The following IQSEC1 variants were observed in gnomAD, a reference collection of about 807,000 sequenced individuals.
The protein encoded by IQSEC1 is IQ motif and SEC7 domain-containing protein 1.
IQSEC1 carries 31 observed loss-of-function variants against 91.0 expected under a neutral mutation model. That is an observed-to-expected ratio of 0.34 (90% confidence interval 0.26 to 0.46). The LOEUF is 0.46. Ranked by LOEUF, IQSEC1 falls within the 20% of genes least tolerant of loss-of-function variation. The pLI is 1.00. For synonymous variants in IQSEC1, 699 were observed against 662.6 expected (o/e 1.05, Z -0.84); for missense variants, 1,388 against 1,575.6 (o/e 0.88, Z 2.02).
intron 12 of IQSEC1, among the ~76,000 whole-genome samples, chr3:12,907,816 G>A (rs930436210): frequency 3.3e-5 from 5 of 152,204 alleles, no homozygotes; most frequent in Non-Finnish European, 7.3e-5. Flanking sequence ...GGGCTTTCCC[G>A]GACCCCGGAG....
intron 2 of IQSEC1, among the ~76,000 whole-genome samples, chr3:13,147,686 G>A (rs903150380): frequency 3.9e-5 from 6 of 152,326 alleles, no homozygotes; most frequent in African/African-American, 1.4e-4. Context: ...AGGCTGGAGT[G>A]CAGTGGTGCA....
Position 12,983,470 on chromosome 3 carries a change from C to T in IQSEC1, c.24-41605G>A, listed in dbSNP as rs1701568639. Among the ~76,000 whole-genome samples the T allele has an allele frequency of 6.6e-6, 1 of 152,182 alleles. No homozygotes were observed. Among genetic ancestry groups the T allele is most frequent in the Admixed American group, 6.5e-5 (1 of 15,286 alleles). Reference sequence around the variant, plus strand: ...CTCACTGGGTTGGTCTTGGCAGGTCCAGCCCACCCACCACCTGTCACCCTG... The same window carrying T: ...CTCACTGGGTTGGTCTTGGCAGGTCTAGCCCACCCACCACCTGTCACCCTG... On this transcript the variant is annotated intron_variant, in intron 1 of 13. Transcript: ENST00000613206. The surrounding 1 kb of genome is among the most constrained non-coding windows in gnomAD (Gnocchi z 4.3).
chr3:13,087,017 C>G (rs1705748109), intron 2 of IQSEC1, among the ~76,000 whole-genome samples: 1 of 152,230 alleles, frequency 6.6e-6, no homozygotes, highest in Non-Finnish European at 1.5e-5. Flanking sequence ...TGAATGACCT[C>G]AAGCCACACT....
chr3:12,945,468 C>T (rs1231107145), intron 1 of IQSEC1, among the ~76,000 whole-genome samples: 4 of 150,652 alleles, frequency 2.7e-5, no homozygotes, highest in Non-Finnish European at 3.0e-5. Context: ...AATCTGTCAC[C>T]GGGTCCTGTC....
intron 1 of IQSEC1, among the ~76,000 whole-genome samples, chr3:13,186,712 G>A (rs1693937350): frequency 1.3e-5 from 2 of 152,078 alleles, no homozygotes; most frequent in South Asian, 2.1e-4. Context: ...GGCCAGACAC[G>A]TGAACATGGT....
intron 1 of IQSEC1, among the ~76,000 whole-genome samples, chr3:12,966,857 C>A (rs544310099): frequency 1.3e-5 from 2 of 152,200 alleles, no homozygotes; most frequent in African/African-American, 4.8e-5. Flanking sequence ...GCAGACAGGA[C>A]AGACACATCA....
intron 1 of IQSEC1, among the ~76,000 whole-genome samples, chr3:13,197,973 C>G (rs1170345381): frequency 6.6e-6 from 1 of 152,200 alleles, no homozygotes; most frequent in African/African-American, 2.4e-5. Context: ...CAGCGTGCAC[C>G]CGGCCTCCCG....
chr3:13,004,478 A>G (rs1702550523), intron 1 of IQSEC1, among the ~76,000 whole-genome samples: 1 of 152,088 alleles, frequency 6.6e-6, no homozygotes, highest in South Asian at 2.1e-4. Context: ...CCAGATCTGG[A>G]GCCTTGGAGG....
Position 12,908,245 on chromosome 3 carries a change from T to G in IQSEC1, c.2755+104A>C. On this transcript the variant is annotated intron_variant, in intron 12 of 13. Coordinates refer to ENST00000613206, the MANE Select transcript of IQSEC1 (RefSeq NM_001134382.3). This position sits in a 1 kb window ranked among gnomAD's most constrained non-coding sequence, Gnocchi z 4.9. ...GGTCAGGGGAAATGCCGCACTGGCTTCGCCGCAGGCCCTGCCCCGCGTGAT... is the reference window on the plus strand; with the variant it reads ...GGTCAGGGGAAATGCCGCACTGGCTGCGCCGCAGGCCCTGCCCCGCGTGAT... 8.1e-7 allele frequency: 1 copy of G among 1,241,634 alleles called. No individual in the cohort carries two copies. The highest frequency in any genetic ancestry group is 1.1e-6 in the Non-Finnish European group (1 of 895,838). The allele number at this position is 1,241,634 out of a possible 1,614,324, so 76.9% of individuals were successfully genotyped here. A position where few individuals can be genotyped will look rare whatever the true frequency, so the allele number is the denominator to read the frequency against.
At chr3:13,215,665 G>T (rs1381734936) in intron 1 of IQSEC1, among the ~76,000 whole-genome samples, 1 of 152,200 alleles carries the variant, frequency 6.6e-6, no homozygotes, top group East Asian at 1.9e-4. Flanking sequence ...TGGATGTGTT[G>T]ATGGGGCCCA....
At chr3:13,114,336 T>C (rs1223237808) in intron 2 of IQSEC1, among the ~76,000 whole-genome samples, 1 of 152,126 alleles carries the variant, frequency 6.6e-6, no homozygotes, top group African/African-American at 2.4e-5. Flanking sequence ...ACGGCACTCA[T>C]GGCCTGCAGG....
chr3:12,923,573 G>A (rs1257189443), intron 4 of IQSEC1, among the ~76,000 whole-genome samples: 2 of 152,218 alleles, frequency 1.3e-5, no homozygotes, highest in African/African-American at 2.4e-5. Context: ...CATGAGTGCC[G>A]TGTATGTGAG....
intron 1 of IQSEC1, chr3:13,015,704 C>T: frequency 1.0e-6 from 1 of 985,418 alleles, no homozygotes; most frequent in Non-Finnish European, 1.2e-6. Context: ...CCTCCCTGCT[C>T]AGTCGGCATC....
Position 12,901,140 on chromosome 3 carries a change from T to G in IQSEC1, c.3188A>C (p.His1063Pro), listed in dbSNP as rs1251612650. The G allele has an allele frequency of 1.3e-6, 2 of 1,541,658 alleles. No individual in the cohort carries two copies. Residue 1063 changes from histidine to proline, a missense_variant, in exon 14 of 14, where the codon CAT becomes CCT. His to Pro is a moderately conservative substitution (Grantham distance 77). This residue lies in a region of IQSEC1 where 329 missense variants were observed against 257.8 expected (regional missense o/e 1.28). Coordinates refer to ENST00000613206, the MANE Select transcript of IQSEC1 (RefSeq NM_001134382.3). Reference sequence around the variant, plus strand: ...GGCCCCGTAGGCTGGGTGGCCCCCATGGGGGCCGTGGTGGTACTGGTGTGC... The same window carrying G: ...GGCCCCGTAGGCTGGGTGGCCCCCAGGGGGGCCGTGGTGGTACTGGTGTGC... ...QHAHQYHHGPHGGHPAYGAHA... is the reference protein window; with the variant it reads ...QHAHQYHHGPPGGHPAYGAHA...
Position 12,908,375 on chromosome 3 carries a change from C to G in IQSEC1, c.2729G>C (p.Ser910Thr). 1.2e-6 allele frequency: 2 copies of G among 1,612,230 alleles called. No homozygotes were observed. The highest frequency in any genetic ancestry group is 1.7e-6 in the Non-Finnish European group (2 of 1,180,016). Residue 910 changes from serine to threonine, a missense_variant, in exon 12 of 14, where the codon AGC becomes ACC. By Grantham distance (58) the Ser-to-Thr change is moderately conservative (BLOSUM62 1). This residue lies in a region of IQSEC1 where 1,059 missense variants were observed against 1,317.8 expected (regional missense o/e 0.80). Transcript: ENST00000613206. The surrounding 1 kb of genome is among the most constrained non-coding windows in gnomAD (Gnocchi z 4.9). ...GGCTTCCGAGAGGTCCCGCAGGGAGCTGCTGAGGGCGCTGCGCTTGAGGCC... is the reference window on the plus strand; with the variant it reads ...GGCTTCCGAGAGGTCCCGCAGGGAGGTGCTGAGGGCGCTGCGCTTGAGGCC... The part of the protein sequence containing the change: ...GEGLKRSALS[S>T]SLRDLSEAGK...
chr3:13,147,293 A>G (rs1437358750), intron 2 of IQSEC1, among the ~76,000 whole-genome samples: 1 of 152,140 alleles, frequency 6.6e-6, no homozygotes, highest in Admixed American at 6.5e-5. Flanking sequence ...TACCTGATAC[A>G]TATTTTTTTT....
Position 12,902,670 on chromosome 3 carries a change from C to CAAAAAAA in IQSEC1, c.2805+96_2805+102dup, listed in dbSNP as rs1213830618. ...AAAAAAAAAACAACAAAAAAAAAACCAAAAAAAAAAAAAAAAAAAAAAAAC... is the reference window on the plus strand; with the variant it reads ...AAAAAAAAAACAACAAAAAAAAAACCAAAAAAAAAAAAAAAAAAAAAAAAAAAAAAAC... On this transcript the variant is annotated intron_variant, in intron 13 of 13. Coordinates refer to ENST00000613206, the MANE Select transcript of IQSEC1 (RefSeq NM_001134382.3). 5.4e-4 allele frequency: 104 copies of CAAAAAAA among 192,622 alleles called. 8 individuals are homozygous for CAAAAAAA. The highest frequency in any genetic ancestry group is 8.2e-4 in the African/African-American group (12 of 14,698). The allele number at this position is 192,622 out of a possible 1,614,324, so 11.9% of individuals were successfully genotyped here.
At chr3:13,039,507 C>G (rs1487463484) in intron 1 of IQSEC1, among the ~76,000 whole-genome samples, 2 of 152,210 alleles carry the variant, frequency 1.3e-5, no homozygotes, top group Non-Finnish European at 2.9e-5. Context: ...AGCCAAGTGG[C>G]TCCATTTGCA....
intron 1 of IQSEC1, among the ~76,000 whole-genome samples, chr3:13,038,084 T>C (rs1704101794): frequency 6.6e-6 from 1 of 151,654 alleles, no homozygotes; most frequent in Non-Finnish European, 1.5e-5. Flanking sequence ...TTTAAAAACA[T>C]GTAAAACCAT....
Sources: gnomAD v4.1 joint callset for allele counts (sites outside exome capture counted in the v4.1 genomes callset) on GRCh38, gnomAD v4.1.1 for gene constraint, gnomAD v4.1.1 regional missense constraint, Gnocchi (gnomAD v3.1) non-coding constraint, MANE v1.5 for transcripts, NCBI Gene and HGNC (gene_info 2026-07-23, HGNC 2026-07-21) for gene names.